The following STAG1 variants were observed in gnomAD, a reference collection of about 807,000 sequenced individuals.
STAG1 encodes cohesin subunit SA-1.
STAG1 carries 26 observed loss-of-function variants against 170.9 expected under a neutral mutation model. The ratio of observed to expected loss-of-function variants is 0.15; its 90% CI spans 0.11 to 0.21. STAG1 has a LOEUF of 0.21. STAG1 is among the 10% of genes least tolerant of loss of function. STAG1 has a pLI of 1.00. For missense variants in STAG1, 964 were observed against 1,509.5 expected, an observed-to-expected ratio of 0.64 and a Z score of 5.99; for synonymous variants, 514 against 497.7, an observed-to-expected ratio of 1.03 and a Z score of -0.44.
At chr3:136,343,541 G>C (rs577070823) in intron 30 of STAG1, among the ~76,000 whole-genome samples, 1 of 152,098 alleles carries the variant, frequency 6.6e-6, no homozygotes, top group African/African-American at 2.4e-5. Flanking sequence ...TGCATTTCTT[G>C]GTAAGTCCCT....
At chr3:136,576,977 T>C (rs1937488093) in intron 4 of STAG1, among the ~76,000 whole-genome samples, 1 of 152,172 alleles carries the variant, frequency 6.6e-6, no homozygotes, top group African/African-American at 2.4e-5. Flanking sequence ...GCTTAGCTCC[T>C]TGCCAAGGAA....
intron 7 of STAG1, among the ~76,000 whole-genome samples, chr3:136,503,696 A>G (rs1009095452): frequency 1.3e-5 from 2 of 152,172 alleles, no homozygotes; most frequent in Non-Finnish European, 2.9e-5. Flanking sequence ...ACATATCCAT[A>G]TAATTAAAAA....
intron 22 of STAG1, among the ~76,000 whole-genome samples, chr3:136,388,806 G>A (rs1349398370): frequency 6.6e-6 from 1 of 152,096 alleles, no homozygotes; most frequent in Non-Finnish European, 1.5e-5. Flanking sequence ...ACCACTTAGG[G>A]GATATTAAGC....
chr3:136,724,333 C>T (rs1372910791), intron 1 of STAG1, among the ~76,000 whole-genome samples: 2 of 151,778 alleles, frequency 1.3e-5, no homozygotes, highest in Non-Finnish European at 1.5e-5. Flanking sequence ...GAAACATGTG[C>T]TGTGTCCACT....
chr3:136,734,766 C>A (rs558535319), intron 1 of STAG1, among the ~76,000 whole-genome samples: 1 of 152,192 alleles, frequency 6.6e-6, no homozygotes, highest in South Asian at 2.1e-4. Context: ...AGAGAAGAAC[C>A]TACATATTTA....
intron 9 of STAG1, among the ~76,000 whole-genome samples, chr3:136,491,299 G>A (rs972705357): frequency 6.6e-6 from 1 of 151,936 alleles, no homozygotes; most frequent in Non-Finnish European, 1.5e-5. Flanking sequence ...CTCTTTTCCT[G>A]AAACTTCTTT....
intron 6 of STAG1, among the ~76,000 whole-genome samples, chr3:136,527,017 C>T (rs1935067200): frequency 6.6e-6 from 1 of 152,166 alleles, no homozygotes; most frequent in Non-Finnish European, 1.5e-5. Context: ...ACTCTGGCTG[C>T]CCTTAACATT....
intron 21 of STAG1, among the ~76,000 whole-genome samples, chr3:136,408,312 A>T (rs2087538539): frequency 6.6e-6 from 1 of 152,194 alleles, no homozygotes; most frequent in South Asian, 2.1e-4. Flanking sequence ...AGTATTTGAG[A>T]GAAGTCAGGT....
intron 4 of STAG1, among the ~76,000 whole-genome samples, chr3:136,602,076 T>C (rs1341657291): frequency 2.0e-5 from 3 of 151,962 alleles, no homozygotes; most frequent in African/African-American, 4.8e-5. Context: ...AATAAAGGCT[T>C]ACATTTAAAG....
At chr3:136,479,006 A>T (rs1482276786) in intron 9 of STAG1, among the ~76,000 whole-genome samples, 1 of 151,428 alleles carries the variant, frequency 6.6e-6, no homozygotes, top group Non-Finnish European at 1.5e-5. Context: ...AAGACTTAGA[A>T]TTCTACCTGG....
intron 4 of STAG1, among the ~76,000 whole-genome samples, chr3:136,602,477 T>C (rs552489566): frequency 2.0e-5 from 3 of 152,168 alleles, no homozygotes; most frequent in Non-Finnish European, 4.4e-5. Flanking sequence ...TTTCTGCTTG[T>C]ATTTCTACCT....
chr3:136,498,263 C>CATATACAT (rs1559841916), intron 9 of STAG1, among the ~76,000 whole-genome samples: 1 of 90,798 alleles, frequency 1.1e-5, no homozygotes, highest in Non-Finnish European at 2.1e-5. Flanking sequence ...CACACACACA[C>CATATACAT]ACACACACAC....
intron 1 of STAG1, among the ~76,000 whole-genome samples, chr3:136,721,987 CAAG>C (rs1211021585): frequency 2.0e-5 from 3 of 151,354 alleles, no homozygotes; most frequent in Non-Finnish European, 2.9e-5. Context: ...TTTGGGAGGC[CAAG>C]AAGGACAGAT....
chr3:136,511,624 CAACA>C (rs1469959387), intron 7 of STAG1, among the ~76,000 whole-genome samples: 1 of 152,096 alleles, frequency 6.6e-6, no homozygotes, highest in Non-Finnish European at 1.5e-5. Flanking sequence ...CAGACAGAAA[CAACA>C]GACAGTGAGG....
chr3:136,376,672 A>G lies in STAG1; in HGVS notation c.2370+988T>C, dbSNP rs192616666. Among the ~76,000 whole-genome samples, 409 of 152,286 alleles carry G rather than the reference A, an allele frequency of 2.7e-3. 2 individuals are homozygous for G. Among genetic ancestry groups the G allele is most frequent in the African/African-American group, 9.5e-3 (397 of 41,580 alleles). ...GACAAGAGTTTCAAGATGTGGGGCTAAAGTGTTGGCATGCATGTGTGAGAA... is the reference window on the plus strand; with the variant it reads ...GACAAGAGTTTCAAGATGTGGGGCTGAAGTGTTGGCATGCATGTGTGAGAA... On this transcript the variant is annotated intron_variant, in intron 23 of 33. Coordinates refer to ENST00000383202, the MANE Select transcript of STAG1 (RefSeq NM_005862.3).
At chr3:136,561,458 A>G (rs988052350) in intron 5 of STAG1, among the ~76,000 whole-genome samples, 1 of 152,224 alleles carries the variant, frequency 6.6e-6, no homozygotes, top group African/African-American at 2.4e-5. Context: ...GTGAAATGTA[A>G]ATCTGAAAGA....
chr3:136,425,687 T>C (rs1389080670), intron 16 of STAG1, among the ~76,000 whole-genome samples: 1 of 148,568 alleles, frequency 6.7e-6, no homozygotes, highest in Non-Finnish European at 1.5e-5. Flanking sequence ...TACGTGTATG[T>C]GTGTGTATGT....
rs1003862925 is a variant in STAG1, at chr3:136,336,725, T to A, written c.*1529A>T. The stretch of plus-strand genomic sequence containing the variant: ...GTTTTTTTCAGAACTGTACAAATGT[T>A]GAGAAAAATGTTTTGTGTCTTTACT... On this transcript the variant is annotated 3_prime_UTR_variant, in exon 34 of 34. Coordinates refer to ENST00000383202, the MANE Select transcript of STAG1 (RefSeq NM_005862.3). The A allele has an allele frequency of 7.9e-5, 12 of 152,226 alleles. No individual in the cohort carries two copies. The highest frequency in any genetic ancestry group is 1.3e-4 in the Admixed American group (2 of 15,290). 9.4% of individuals were successfully genotyped at this position (152,226 alleles called of 1,614,324 possible).
intron 1 of STAG1, among the ~76,000 whole-genome samples, chr3:136,735,916 G>A (rs1339279895): frequency 2.0e-5 from 3 of 152,190 alleles, no homozygotes; most frequent in Non-Finnish European, 4.4e-5. Flanking sequence ...TTGGGGTGGC[G>A]TAGGCCTCAT....
Sources: gnomAD v4.1 joint callset for allele counts (sites outside exome capture counted in the v4.1 genomes callset) on GRCh38, gnomAD v4.1.1 for gene constraint, MANE v1.5 for transcripts, NCBI Gene and HGNC (gene_info 2026-07-23, HGNC 2026-07-21) for gene names.